The following RIMS1 variants were observed in gnomAD, a reference collection of about 807,000 sequenced individuals.
RIMS1 encodes the protein regulating synaptic membrane exocytosis 1.
Under a neutral mutation model 214.1 loss-of-function variants are expected in RIMS1, and 83 were observed. That is an observed-to-expected ratio of 0.39 (90% CI 0.32 to 0.47). The LOEUF (loss-of-function observed/expected upper bound fraction) is 0.47, where lower values mean the gene tolerates loss of function less well. RIMS1 is among the 20% of genes least tolerant of loss of function. The probability of loss-of-function intolerance (pLI) is 0.99; values close to 1 mark genes in which losing one functional copy is unlikely to be tolerated. For missense variants in RIMS1, 2,050 were observed against 2,161.8 expected, an observed-to-expected ratio of 0.95 and a Z score of 1.03; for synonymous variants, 793 against 786.8, an observed-to-expected ratio of 1.01 and a Z score of -0.13.
At chr6:72,323,907 G>A (rs938947926) in intron 28 of RIMS1, among the ~76,000 whole-genome samples, 1 of 151,770 alleles carries the variant, frequency 6.6e-6, no homozygotes, top group Non-Finnish European at 1.5e-5. Flanking sequence ...AAATTTGATG[G>A]AATGGCCAAA....
intron 2 of RIMS1, among the ~76,000 whole-genome samples, chr6:72,093,729 A>AT (rs2030040829): frequency 6.6e-6 from 1 of 151,880 alleles, no homozygotes; most frequent in South Asian, 2.1e-4. Flanking sequence ...GTATTTATTT[A>AT]TTTTAACTCT....
chr6:72,133,707 T>G lies in RIMS1; in HGVS notation c.471+33721T>G, dbSNP rs138337613. Among the ~76,000 whole-genome samples, 164 of 152,334 alleles carry G rather than the reference T, an allele frequency of 1.1e-3. 1 individual carries two copies. The highest frequency in any genetic ancestry group is 3.7e-3 in the African/African-American group (155 of 41,588). ...AAGTTTTCTGCAACTAGGTTTTTTGTTTGTTTGTTCTTGGTCTATGAGGCA... is the reference window on the plus strand; with the variant it reads ...AAGTTTTCTGCAACTAGGTTTTTTGGTTGTTTGTTCTTGGTCTATGAGGCA... On this transcript the variant is annotated intron_variant, in intron 4 of 33. Transcript: ENST00000521978.
intron 29 of RIMS1, among the ~76,000 whole-genome samples, chr6:72,357,101 A>G (rs2097671977): frequency 1.3e-5 from 2 of 152,204 alleles, no homozygotes; most frequent in South Asian, 4.1e-4. Context: ...AAATTTGTCT[A>G]AGCTATTCAG....
intron 4 of RIMS1, among the ~76,000 whole-genome samples, chr6:72,170,900 T>C (rs761099835): frequency 6.6e-6 from 1 of 152,236 alleles, no homozygotes; most frequent in Non-Finnish European, 1.5e-5. Flanking sequence ...TATTATTGAA[T>C]GTTTACTATG....
At chr6:72,259,613 A>G (rs2077153921) in intron 18 of RIMS1, among the ~76,000 whole-genome samples, 1 of 73,282 alleles carries the variant, frequency 1.4e-5, no homozygotes, top group South Asian at 4.4e-4. Context: ...GAAAATGTCT[A>G]TAGAATACAA....
rs542135172 is a variant in RIMS1 at position 72,402,763 on chromosome 6, T to G, written c.*2049T>G. 1 of 152,686 alleles carries G rather than the reference T, an allele frequency of 6.5e-6. No homozygotes were observed. Among genetic ancestry groups the G allele is most frequent in the Non-Finnish European group, 1.5e-5 (1 of 68,054 alleles). The allele number at this position is 152,686 out of a possible 1,614,324, so 9.5% of individuals were successfully genotyped here. On this transcript the variant is annotated 3_prime_UTR_variant, in exon 34 of 34. Transcript: ENST00000521978. ...CCTGTGCTTTTAAATGAAATTCCAA[T>G]TCATGTATGTAAACATGTTTAATAA... is the stretch of plus-strand genomic sequence containing the variant.
At chr6:72,377,749 CA>C (rs2098416037) in intron 29 of RIMS1, among the ~76,000 whole-genome samples, 1 of 152,016 alleles carries the variant, frequency 6.6e-6, no homozygotes, top group Non-Finnish European at 1.5e-5. Context: ...AAATCATGGC[CA>C]ATCCTGATAT....
chr6:72,336,255 A>T (rs1339207763), intron 29 of RIMS1, among the ~76,000 whole-genome samples: 1 of 151,778 alleles, frequency 6.6e-6, no homozygotes, highest in Non-Finnish European at 1.5e-5. Flanking sequence ...TTACTTGAGC[A>T]TAGTTTTCTT....
At chr6:72,162,454 T>C (rs2045581999) in intron 4 of RIMS1, among the ~76,000 whole-genome samples, 2 of 140,614 alleles carry the variant, frequency 1.4e-5, no homozygotes, top group East Asian at 2.0e-4. Context: ...TTATTTTGCT[T>C]GTTAGTTGAT....
chr6:72,071,997 T>A (rs966149493), intron 2 of RIMS1, among the ~76,000 whole-genome samples: 8 of 152,210 alleles, frequency 5.3e-5, no homozygotes, highest in Non-Finnish European at 7.3e-5. Flanking sequence ...ATGGAGATAG[T>A]GCAGACATGT....
At chr6:72,151,040 TA>T (rs2043484964) in intron 4 of RIMS1, among the ~76,000 whole-genome samples, 2 of 152,130 alleles carry the variant, frequency 1.3e-5, no homozygotes, top group African/African-American at 2.4e-5. Flanking sequence ...ACATATATTC[TA>T]TTTTTTTTTT....
chr6:72,360,707 TA>T (rs200853363), intron 29 of RIMS1, among the ~76,000 whole-genome samples: 2,091 of 149,030 alleles, frequency 0.014, 23 homozygotes, highest in African/African-American at 0.029. Context: ...ATGTATACTA[TA>T]TTTTTTTTAC....
intron 22 of RIMS1, among the ~76,000 whole-genome samples, chr6:72,271,286 A>AAAAATATATATATATAT (rs1417580438): frequency 2.3e-5 from 1 of 44,422 alleles, no homozygotes; most frequent in Non-Finnish European, 3.7e-5. Context: ...AAAAAAAAAA[A>AAAAATATATATATATAT]ATATATATAT....
intron 19 of RIMS1, 62 bp downstream of exon 19, chr6:72,260,829 C>A: frequency 3.8e-6 from 6 of 1,587,896 alleles, no homozygotes; most frequent in Admixed American, 1.8e-5. Flanking sequence ...TTCTATTATT[C>A]TTCCGTCTCT....
At chr6:71,936,528 G>C (rs1037881780) in intron 1 of RIMS1, among the ~76,000 whole-genome samples, 4 of 152,068 alleles carry the variant, frequency 2.6e-5, no homozygotes, top group Non-Finnish European at 1.5e-5. Flanking sequence ...GTTTAGTTCA[G>C]TTCTTCCCTT....
chr6:71,983,701 A>G (rs1057189049), intron 2 of RIMS1, among the ~76,000 whole-genome samples: 1 of 152,186 alleles, frequency 6.6e-6, no homozygotes, highest in African/African-American at 2.4e-5. Context: ...GATGTGGAGC[A>G]CAGGGACTGA....
At chr6:71,969,165 C>T in intron 2 of RIMS1, 102 bp downstream of exon 2, 1 of 1,102,016 alleles carries the variant, frequency 9.1e-7, no homozygotes, top group South Asian at 1.2e-5. Flanking sequence ...ACTCTGGCTG[C>T]TCTTGTATAT....
chr6:72,164,346 GGCAATGCC>G (rs763627443), intron 4 of RIMS1, among the ~76,000 whole-genome samples: 40 of 152,074 alleles, frequency 2.6e-4, no homozygotes, highest in Non-Finnish European at 4.4e-4. Context: ...TCCTGGGTGA[GGCAATGCC>G]TCACCCTGAT....
intron 17 of RIMS1, among the ~76,000 whole-genome samples, chr6:72,258,552 C>G (rs1199361590): frequency 6.6e-6 from 1 of 151,824 alleles, no homozygotes; most frequent in Non-Finnish European, 1.5e-5. Flanking sequence ...AGTTTTCTTT[C>G]TTGTTAGAAA....
Sources: allele counts gnomAD v4.1 joint callset (sites outside exome capture counted in the v4.1 genomes callset), GRCh38; gene constraint gnomAD v4.1.1; transcripts MANE v1.5; gene names NCBI Gene and HGNC (gene_info 2026-07-23, HGNC 2026-07-21).